Variants in KAZN observed in about 807,000 individuals in gnomAD.
KAZN encodes the protein kazrin, periplakin interacting protein.
KAZN carries 40 observed loss-of-function variants against 87.4 expected under a neutral mutation model. The ratio of observed to expected loss-of-function variants is 0.46; its 90% CI spans 0.36 to 0.60. The LOEUF is 0.60. KAZN is among the 20% of genes least tolerant of loss of function. The pLI is 0.00. For synonymous variants in KAZN, 466 were observed against 458.3 expected (o/e 1.02, Z -0.22); for missense variants, 898 against 1,073.9 (o/e 0.84, Z 2.29).
rs572917643 is a variant in KAZN, at chr1:14,429,110, G to A, written c.250-169873G>A. Among the ~76,000 whole-genome samples, 11 of 152,122 alleles carry A rather than the reference G, an allele frequency of 7.2e-5. 1 individual carries two copies. The South Asian group carries it at 2.3e-3, about 32-fold the overall frequency. On this transcript the variant is annotated intron_variant, in intron 2 of 16. Coordinates refer to the KAZN transcript ENST00000636203. The stretch of plus-strand genomic sequence containing the variant: ...TCTCTCCCATCATAATTCAAGGAGG[G>A]ACCGTGTCATATAAGTTTTATGATC...
Position 14,887,682 on chromosome 1 carries a change from T to TC in KAZN, c.227-73002_227-73001insC, listed in dbSNP as rs1015365856. The stretch of plus-strand genomic sequence containing the variant: ...GTCGTGGTAGTTTTTTTTTTTTTTT[T>TC]GCGGTCGTGCTCCCAGGGAACCGGA... On this transcript the variant is annotated intron_variant, in intron 1 of 14. Coordinates refer to ENST00000376030, the MANE Select transcript of KAZN (RefSeq NM_201628.3). Among the ~76,000 whole-genome samples, 831 of 151,282 alleles carry TC rather than the reference T, an allele frequency of 5.5e-3. 11 individuals carry two copies. Among genetic ancestry groups the TC allele is most frequent in the African/African-American group, 0.019 (765 of 41,046 alleles).
chr1:14,894,204 C>T (rs1369841836), intron 1 of KAZN, among the ~76,000 whole-genome samples: 1 of 152,170 alleles, frequency 6.6e-6, no homozygotes, highest in African/African-American at 2.4e-5. Flanking sequence ...CCCATCTCCC[C>T]CGCTCCAGCC....
chr1:14,828,321 C>G (rs1299112567), intron 1 of KAZN, among the ~76,000 whole-genome samples: 3 of 152,192 alleles, frequency 2.0e-5, no homozygotes, highest in African/African-American at 4.8e-5. Flanking sequence ...GAGATTGCAT[C>G]TCAATTGTTT....
chr1:14,994,581 CTT>C (rs1179347837), intron 2 of KAZN, among the ~76,000 whole-genome samples: 1 of 152,190 alleles, frequency 6.6e-6, no homozygotes, highest in Non-Finnish European at 1.5e-5. Flanking sequence ...GCTGCACAGT[CTT>C]TTTGGTTTTG....
chr1:14,798,267 C>G (rs1208298078), intron 1 of KAZN, among the ~76,000 whole-genome samples: 1 of 152,096 alleles, frequency 6.6e-6, no homozygotes, highest in East Asian at 1.9e-4. Flanking sequence ...GGCTCACTCT[C>G]TCCTGGAGCC....
intron 2 of KAZN, among the ~76,000 whole-genome samples, chr1:14,360,225 TC>T (rs1373203909): frequency 6.6e-6 from 1 of 152,226 alleles, no homozygotes; most frequent in Non-Finnish European, 1.5e-5. Flanking sequence ...TTCCACTTGA[TC>T]AATTCAGCTA....
intron 1 of KAZN, chr1:14,692,342 G>A (rs192148989): frequency 1.0e-4 from 38 of 368,670 alleles, no homozygotes; most frequent in Non-Finnish European, 1.6e-4. Flanking sequence ...TCATTTTTTC[G>A]ATCTTTTCTT....
chr1:14,869,867 G>A (rs1572692998), intron 1 of KAZN, among the ~76,000 whole-genome samples: 1 of 152,320 alleles, frequency 6.6e-6, no homozygotes, highest in Non-Finnish European at 1.5e-5. Flanking sequence ...TAAAAGCCTT[G>A]TTCCATGTGG....
chr1:14,081,987 G>C (rs1402658735), intron 1 of KAZN, among the ~76,000 whole-genome samples: 1 of 151,930 alleles, frequency 6.6e-6, no homozygotes, highest in African/African-American at 2.4e-5. Flanking sequence ...TGTTGCCCAG[G>C]CTGGCCTCAA....
chr1:14,841,917 C>T (rs1267230563), intron 1 of KAZN, among the ~76,000 whole-genome samples: 1 of 152,190 alleles, frequency 6.6e-6, no homozygotes, highest in Non-Finnish European at 1.5e-5. Context: ...TCCAGGCTAG[C>T]TGTGCTCCTG....
chr1:14,566,612 A>T (rs1053779571), intron 2 of KAZN, among the ~76,000 whole-genome samples: 1 of 152,266 alleles, frequency 6.6e-6, no homozygotes, highest in African/African-American at 2.4e-5. Flanking sequence ...AAGCTATTTC[A>T]TCTACACTGA....
chr1:14,425,330 T>C (rs1358607956), intron 2 of KAZN, among the ~76,000 whole-genome samples: 1 of 152,184 alleles, frequency 6.6e-6, no homozygotes, highest in Non-Finnish European at 1.5e-5. Flanking sequence ...TCCCATCTCC[T>C]GAGTAAAGGC....
At chr1:14,771,692 G>T (rs1367917040) in intron 1 of KAZN, among the ~76,000 whole-genome samples, 1 of 152,048 alleles carries the variant, frequency 6.6e-6, no homozygotes. Context: ...CAGGCCTGGT[G>T]GCAGGTGCCT....
At chr1:14,272,718 C>T (rs909115619) in intron 2 of KAZN, among the ~76,000 whole-genome samples, 1 of 151,958 alleles carries the variant, frequency 6.6e-6, no homozygotes, top group East Asian at 1.9e-4. Context: ...ATTAGCTGGG[C>T]ATGGTGGCGG....
chr1:14,723,081 G>A (rs1274235805), intron 1 of KAZN, among the ~76,000 whole-genome samples: 9 of 152,036 alleles, frequency 5.9e-5, no homozygotes, highest in African/African-American at 1.5e-4. Context: ...AGCTGTGATC[G>A]TACCACTGCA....
intron 1 of KAZN, among the ~76,000 whole-genome samples, chr1:14,071,950 T>C (rs1417253356): frequency 1.3e-5 from 2 of 152,220 alleles, no homozygotes; most frequent in Non-Finnish European, 2.9e-5. Context: ...TTTTATCTCA[T>C]CAGTCATGTT....
chr1:14,140,059 C>CA (rs1645203063), intron 1 of KAZN, among the ~76,000 whole-genome samples: 1 of 151,748 alleles, frequency 6.6e-6, no homozygotes, highest in Non-Finnish European at 1.5e-5. Context: ...TGAAAGTCTT[C>CA]AAAAATGAGT....
chr1:14,294,121 G>C (rs1653935030), intron 2 of KAZN, among the ~76,000 whole-genome samples: 1 of 152,112 alleles, frequency 6.6e-6, no homozygotes, highest in Non-Finnish European at 1.5e-5. Context: ...CTTGGCCACG[G>C]TCACACAAGT....
At chr1:14,007,653 T>G (rs1394022413) in intron 1 of KAZN, among the ~76,000 whole-genome samples, 1 of 152,180 alleles carries the variant, frequency 6.6e-6, no homozygotes, top group African/African-American at 2.4e-5. Flanking sequence ...AAGCCACAAT[T>G]TTATCACACT....
Sources: allele counts gnomAD v4.1 joint callset (sites outside exome capture counted in the v4.1 genomes callset), GRCh38; gene constraint gnomAD v4.1.1; transcripts MANE v1.5; gene names NCBI Gene and HGNC (gene_info 2026-07-23, HGNC 2026-07-21).